SYNC: variants seen among roughly 807,000 people sequenced by gnomAD.
SYNC encodes the protein syncoilin.
Under a neutral mutation model 49.5 loss-of-function variants are expected in SYNC, and 38 were observed. The observed-to-expected ratio is 0.77, with a 90% CI of 0.59 to 1.01. SYNC has a LOEUF of 1.01. SYNC is among the 50% of genes least tolerant of loss of function. The pLI is 0.00. For missense variants in SYNC, 579 were observed against 580.6 expected (o/e 1.00, Z 0.03); for synonymous variants, 201 against 230.8 (o/e 0.87, Z 1.17).
chr1:32,691,955 C>T (rs754364079), intron 2 of SYNC, among the ~76,000 whole-genome samples: 2 of 152,094 alleles, frequency 1.3e-5, no homozygotes, highest in African/African-American at 2.4e-5. Context: ...CTATCCCGGC[C>T]GGGCGCAGTG....
rs1358889106 is a variant in SYNC at position 32,680,576 on chromosome 1, G to C, written c.*1274C>G. ...ATGCCATCTCCATTTTGGGTGACCT[G>C]TTTCACCAGCAGGCCTGTTACTCTC... On this transcript the variant is annotated 3_prime_UTR_variant, in exon 5 of 5. Coordinates refer to ENST00000409190, the MANE Select transcript of SYNC (RefSeq NM_030786.3). 6.6e-7 allele frequency: 1 copy of C among 1,512,508 alleles called. No individual in the cohort carries two copies. The highest frequency in any genetic ancestry group is 9.0e-7 in the Non-Finnish European group (1 of 1,115,264). The allele number at this position is 1,512,508 out of a possible 1,614,324, so 93.7% of individuals were successfully genotyped here.
intron 1 of SYNC, among the ~76,000 whole-genome samples, chr1:32,697,009 A>G (rs1346616637): frequency 2.6e-5 from 4 of 151,622 alleles, no homozygotes; most frequent in Non-Finnish European, 5.9e-5. Context: ...CAGCCTCCCA[A>G]AGTGTTGGGA....
intron 1 of SYNC, among the ~76,000 whole-genome samples, chr1:32,697,254 C>T (rs550872026): frequency 7.9e-5 from 12 of 151,294 alleles, no homozygotes; most frequent in Non-Finnish European, 1.8e-4. Flanking sequence ...CCAGCCTGAC[C>T]AACATGGAGA....
At chr1:32,692,147 G>T (rs1183903821) in intron 2 of SYNC, among the ~76,000 whole-genome samples, 2 of 151,998 alleles carry the variant, frequency 1.3e-5, no homozygotes, top group African/African-American at 4.8e-5. Context: ...CAGGACAATG[G>T]CGCGAACCCG....
At chr1:32,687,930 A>G (rs1042533779) in intron 2 of SYNC, among the ~76,000 whole-genome samples, 3 of 150,558 alleles carry the variant, frequency 2.0e-5, no homozygotes, top group African/African-American at 4.9e-5. Flanking sequence ...GCTCACTGCA[A>G]CCTCCAGCTC....
At position 32,702,553 on chromosome 1, in the gene SYNC, T is replaced by A; in HGVS notation, c.53+55A>T. The A allele has an allele frequency of 8.4e-7, 1 of 1,195,272 alleles. No homozygotes were observed. The highest frequency in any genetic ancestry group is 1.0e-6 in the Non-Finnish European group (1 of 964,492). 74.0% of individuals were successfully genotyped at this position (1,195,272 alleles called of 1,614,324 possible). A position where few individuals can be genotyped will look rare whatever the true frequency, so the allele number is the denominator to read the frequency against. ...CGCGGTCGGGGGGAAAGGGAACCCG[T>A]CCAGCAGCACCCCTTCCCCAGCGGG... is the stretch of plus-strand genomic sequence containing the variant. On this transcript the variant is annotated intron_variant, in intron 1 of 4. Transcript: ENST00000409190. This position sits in a 1 kb window ranked among gnomAD's most constrained non-coding sequence, Gnocchi z 6.2.
At position 32,702,564 on chromosome 1, in the gene SYNC, C is replaced by T; in HGVS notation, c.53+44G>A. 1 of 1,216,624 alleles carries T rather than the reference C, an allele frequency of 8.2e-7. No individual in the cohort carries two copies. Among genetic ancestry groups the T allele is most frequent in the Non-Finnish European group, 1.0e-6 (1 of 978,030 alleles). The allele number at this position is 1,216,624 out of a possible 1,614,324, so 75.4% of individuals were successfully genotyped here. On this transcript the variant is annotated intron_variant, in intron 1 of 4. Coordinates refer to ENST00000409190, the MANE Select transcript of SYNC (RefSeq NM_030786.3). The surrounding 1 kb of genome is among the most constrained non-coding windows in gnomAD (Gnocchi z 6.2). ...GGAAAGGGAACCCGTCCAGCAGCACCCCTTCCCCAGCGGGGCGGCGACGCG... is the reference window on the plus strand; with the variant it reads ...GGAAAGGGAACCCGTCCAGCAGCACTCCTTCCCCAGCGGGGCGGCGACGCG...
chr1:32,699,513 C>T (rs939048772), intron 1 of SYNC, among the ~76,000 whole-genome samples: 6 of 151,934 alleles, frequency 3.9e-5, no homozygotes, highest in African/African-American at 7.3e-5. Context: ...TTCTGCATCC[C>T]ACTATCAGGG....
intron 2 of SYNC, among the ~76,000 whole-genome samples, chr1:32,687,836 T>TATC: frequency 3.9e-5 from 1 of 25,558 alleles, no homozygotes; most frequent in South Asian, 3.2e-3. Context: ...CCCAGTGAAT[T>TATC]ATTATTATTA....
At chr1:32,688,739 C>T (rs747273685) in intron 2 of SYNC, among the ~76,000 whole-genome samples, 1 of 151,978 alleles carries the variant, frequency 6.6e-6, no homozygotes, top group East Asian at 1.9e-4. Flanking sequence ...TGCACCACCA[C>T]GCCCGGCTAA....
rs558400190 is a variant in SYNC, at chr1:32,694,855, A to G, written c.1233+10T>C. The stretch of plus-strand genomic sequence containing the variant: ...AAGACCTCAGTTCTTTTCATGCCCA[A>G]TGGGCCTACCCTGTACTGCTGCACC... On this transcript the variant is annotated intron_variant, in intron 2 of 4. Coordinates refer to ENST00000409190, the MANE Select transcript of SYNC (RefSeq NM_030786.3). 7 of 1,554,408 alleles carry G rather than the reference A, an allele frequency of 4.5e-6. No homozygotes were observed. The highest frequency in any genetic ancestry group is 3.7e-5 in the South Asian group (3 of 81,680).
intron 1 of SYNC, among the ~76,000 whole-genome samples, chr1:32,698,496 G>A (rs1482856000): frequency 6.6e-6 from 1 of 152,164 alleles, no homozygotes; most frequent in Admixed American, 6.5e-5. Flanking sequence ...TCCAGCCTGG[G>A]CAACAAAACC....
In SYNC at chr1:32,695,462, C is replaced by T. The variant is rs530515364; in HGVS notation, c.636G>A (p.Gln212=). The T allele has an allele frequency of 1.9e-6, 3 of 1,551,556 alleles. No homozygotes were observed. The South Asian group carries it at 3.6e-5, about 18-fold the overall frequency. ...LLREPALQEV[Q]QVHQDILAAY... is the part of the protein sequence containing the mutation. ...CAGCCAGGATGTCTTGATGGACTTG[C>T]TGTACCTCCTGCAGGGCTGGTTCCC... The change falls in exon 2 of 5, where the codon CAG becomes CAA. Residue 212 remains glutamine (Q), a synonymous_variant. Transcript: ENST00000409190.
chr1:32,696,396 C>A (rs1255217374), intron 1 of SYNC, among the ~76,000 whole-genome samples: 1 of 151,880 alleles, frequency 6.6e-6, no homozygotes, highest in Non-Finnish European at 1.5e-5. Context: ...CTCACTGCAA[C>A]CTCTGTCCCC....
intron 2 of SYNC, among the ~76,000 whole-genome samples, chr1:32,687,861 A>ATTATTATTATTATTATTATTT (rs1280120903): frequency 1.2e-4 from 17 of 146,448 alleles, no homozygotes; most frequent in African/African-American, 3.5e-4. Flanking sequence ...TATTATTATT[A>ATTATTATTATTATTATTATTT]TTTTTTGAGA....
chr1:32,694,748 A>C (rs981251899), intron 2 of SYNC, 117 bp downstream of exon 2: 17 of 1,080,652 alleles, frequency 1.6e-5, no homozygotes, highest in Non-Finnish European at 1.9e-5. Context: ...GTGGCCCCAA[A>C]GAACAAATTT....
chr1:32,687,974 C>T (rs1169899699), intron 2 of SYNC, among the ~76,000 whole-genome samples: 2 of 151,730 alleles, frequency 1.3e-5, no homozygotes, highest in African/African-American at 4.8e-5. Context: ...CTCAGCCTCC[C>T]AAGTAGCTGG....
intron 1 of SYNC, among the ~76,000 whole-genome samples, chr1:32,696,357 G>A (rs751450322): frequency 6.6e-5 from 10 of 151,554 alleles, no homozygotes; most frequent in Non-Finnish European, 1.3e-4. Context: ...CTGTATTGCC[G>A]AGGCTGGAGT....
intron 2 of SYNC, chr1:32,686,079 GATGTA>G (rs1015458253): frequency 1.3e-4 from 20 of 152,272 alleles, no homozygotes; most frequent in Non-Finnish European, 1.6e-4. Context: ...TCTCAATTGA[GATGTA>G]ATGTAAGTGT....
Sources: allele counts gnomAD v4.1 joint callset (sites outside exome capture counted in the v4.1 genomes callset), GRCh38; gene constraint gnomAD v4.1.1; non-coding constraint Gnocchi (gnomAD v3.1); transcripts MANE v1.5; gene names NCBI Gene and HGNC (gene_info 2026-07-23, HGNC 2026-07-21).